SLC35D1: variants seen among roughly 807,000 people sequenced by gnomAD.
SLC35D1 encodes the protein solute carrier family 35 member D1.
In SLC35D1, 31 loss-of-function variants were observed where a neutral mutation model predicts 46.7. The observed-to-expected ratio is 0.66, with a 90% CI of 0.50 to 0.90. The LOEUF (loss-of-function observed/expected upper bound fraction) is 0.90. Among genes scored for constraint, SLC35D1 ranks in the 40% least tolerant of loss-of-function variants. SLC35D1 has a pLI of 0.00. For synonymous variants in SLC35D1, 195 were observed against 164.6 expected (o/e 1.18, Z -1.41); for missense variants, 397 against 426.2 (o/e 0.93, Z 0.60).
chr1:67,022,507 G>A lies in SLC35D1; in HGVS notation c.730-905C>T, dbSNP rs148611600. On this transcript the variant is annotated intron_variant, in intron 8 of 11. Coordinates refer to ENST00000235345, the MANE Select transcript of SLC35D1 (RefSeq NM_015139.3). ...TTAAAACTCAAGGCTCCCTTGTGGG[G>A]CCCTTCCTGATCAAGTACTCCTTCC... is the stretch of plus-strand genomic sequence containing the variant. Among the ~76,000 whole-genome samples, 10 of 152,224 alleles carry A rather than the reference G, an allele frequency of 6.6e-5. No individual in the cohort carries two copies. The East Asian group carries it at 1.7e-3, about 26-fold the overall frequency.
chr1:67,032,628 C>T (rs975127873), intron 8 of SLC35D1, among the ~76,000 whole-genome samples: 2 of 152,070 alleles, frequency 1.3e-5, no homozygotes, highest in African/African-American at 4.8e-5. Context: ...TTGCAGTGAG[C>T]CGAGATCGCA....
At chr1:67,039,995 A>ATT (rs11300562) in intron 8 of SLC35D1, among the ~76,000 whole-genome samples, 25 of 140,188 alleles carry the variant, frequency 1.8e-4, no homozygotes, top group African/African-American at 5.8e-4. Flanking sequence ...TTACATCACA[A>ATT]TTTTTTTTTT....
At chr1:66,986,136 AGT>A in the SLC35D1 span, 1 of 1,145,100 alleles carries the variant, frequency 8.7e-7, no homozygotes, top group Admixed American at 4.6e-5. Flanking sequence ...ATGAAGAGAA[AGT>A]GAAGTTTGAA....
chr1:67,004,341 C>A lies in SLC35D1; in HGVS notation c.1067G>T (p.Ter356LeuextTer7). The change falls in exon 12 of 12, where the codon TGA (stop) becomes TTA (leucine). Residue 356 changes from the stop codon to leucine, a stop_lost. Transcript: ENST00000235345. ...GTATCAGATGAAGCAATCCTCTGGT[C>A]ACACTGCTCCTTTCCCCTTAATGTC... ...KLDIKGKGAV[*>L] is the part of the protein sequence containing the mutation. 1 of 1,613,744 alleles carries A rather than the reference C, an allele frequency of 6.2e-7. No individual in the cohort carries two copies. The highest frequency in any genetic ancestry group is 1.1e-5 in the South Asian group (1 of 91,034).
At chr1:67,013,163 T>TATATATATATATATATATGTATAC in intron 10 of SLC35D1, among the ~76,000 whole-genome samples, 1 of 142,290 alleles carries the variant, frequency 7.0e-6, no homozygotes, top group East Asian at 2.0e-4. Context: ...TGGAGATATA[T>TATATATATATATATATATGTATAC]ATATATCCTG....
chr1:67,050,485 G>C lies in SLC35D1; in HGVS notation c.412C>G (p.Leu138Val). The C allele has an allele frequency of 2.5e-6, 4 of 1,611,832 alleles. No homozygotes were observed. Among genetic ancestry groups the C allele is most frequent in the Non-Finnish European group, 3.4e-6 (4 of 1,179,330 alleles). Reference protein sequence around the residue: ...KKLNLPMFTVLRRFSILFTMF... With the variant: ...KKLNLPMFTVVRRFSILFTMF... ...GTAAACAGGATGGAGAACCTTCTCA[G>C]AACTGTAAACATTGGCAAGCTGGAA... The change falls in exon 5 of 12, where the codon CTG becomes GTG. Residue 138 changes from leucine to valine, a missense_variant. Transcript: ENST00000235345.
intron 7 of SLC35D1, among the ~76,000 whole-genome samples, chr1:67,046,377 T>C (rs960846594): frequency 2.0e-5 from 3 of 152,034 alleles, no homozygotes; most frequent in Non-Finnish European, 4.4e-5. Context: ...CTACACATAA[T>C]AGAAAAGACT....
chr1:67,021,570 G>A lies in SLC35D1; in HGVS notation c.762C>T (p.Leu254=). 3 of 1,614,042 alleles carry A rather than the reference G, an allele frequency of 1.9e-6. No homozygotes were observed. The highest frequency in any genetic ancestry group is 2.2e-5 in the South Asian group (2 of 91,088). ...AVEFEGWADT[L]FLLQFTLSCV... is the part of the protein sequence containing the mutation. ...AGGAGAGGGTGAACTGCAGAAGAAA[G>A]AGGGTGTCAGCCCAGCCTTCAAACT... The change falls in exon 9 of 12, where the codon CTC becomes CTT. Residue 254 remains leucine (L), a synonymous_variant. Transcript: ENST00000235345.
the SLC35D1 span, among the ~76,000 whole-genome samples, chr1:66,983,124 ACT>A: frequency 6.6e-6 from 1 of 152,232 alleles, no homozygotes. Context: ...CTCAAAAGCC[ACT>A]CAACATTACG....
chr1:66,982,254 G>A, the SLC35D1 span, among the ~76,000 whole-genome samples: 2 of 152,178 alleles, frequency 1.3e-5, no homozygotes, highest in African/African-American at 2.4e-5. Context: ...TCAAAACCCT[G>A]CAGTTTCACA....
rs755519268 is a variant in SLC35D1 at position 67,042,267 on chromosome 1, G to A, written c.698C>T (p.Ala233Val). ...NALFMILPTL[A>V]IAYFTGDAQK... ...TGCATCTCCTGTGAAATACGCAATGGCCAGGGTGGGCAGAATCATGAACAG... is the reference window on the plus strand; with the variant it reads ...TGCATCTCCTGTGAAATACGCAATGACCAGGGTGGGCAGAATCATGAACAG... Residue 233 changes from alanine to valine, a missense_variant, in exon 8 of 12, where the codon GCC becomes GTC. Physicochemically the swap from Ala to Val is moderately conservative, Grantham distance 64. Coordinates refer to ENST00000235345, the MANE Select transcript of SLC35D1 (RefSeq NM_015139.3). The A allele has an allele frequency of 1.9e-5, 31 of 1,614,122 alleles. 1 individual carries two copies. The South Asian group carries it at 3.3e-4, about 17-fold the overall frequency.
At chr1:67,014,969 CAT>C (rs1667651685) in intron 10 of SLC35D1, among the ~76,000 whole-genome samples, 1 of 150,944 alleles carries the variant, frequency 6.6e-6, no homozygotes, top group Non-Finnish European at 1.5e-5. Flanking sequence ...TTGCACTGCA[CAT>C]AGTTACAATT....
At chr1:66,986,232 C>T in the SLC35D1 span, 2 of 1,317,766 alleles carry the variant, frequency 1.5e-6, no homozygotes, top group Non-Finnish European at 1.9e-6. Flanking sequence ...ACACAATAAT[C>T]ATTGCTCTGT....
intron 11 of SLC35D1, among the ~76,000 whole-genome samples, chr1:67,008,134 C>G (rs1157275365): frequency 6.6e-6 from 1 of 152,134 alleles, no homozygotes; most frequent in Admixed American, 6.5e-5. Context: ...CAAACAACAG[C>G]ACTACCAACT....
chr1:67,042,796 G>A (rs1216082244), intron 7 of SLC35D1, among the ~76,000 whole-genome samples: 3 of 152,226 alleles, frequency 2.0e-5, no homozygotes, highest in Non-Finnish European at 2.9e-5. Flanking sequence ...GGATACGGTG[G>A]CTCACACCTG....
the SLC35D1 span, among the ~76,000 whole-genome samples, chr1:66,980,130 C>G: frequency 1.2e-4 from 18 of 152,340 alleles, no homozygotes; most frequent in Admixed American, 1.1e-3. Flanking sequence ...TCCAACAATT[C>G]CTCATCATGT....
chr1:66,973,043 A>T, the SLC35D1 span: 1 of 926,908 alleles, frequency 1.1e-6, no homozygotes, highest in Non-Finnish European at 1.8e-6. Flanking sequence ...TGAACAACTC[A>T]AATGGTCATG....
intron 3 of SLC35D1, 104 bp from the exon 4 acceptor site, chr1:67,052,183 A>G: frequency 1.2e-6 from 1 of 819,932 alleles, no homozygotes; most frequent in African/African-American, 1.7e-5. Context: ...AATTTTTTCC[A>G]CTTAAAACGT....
At chr1:66,976,510 A>G in the SLC35D1 span, 3 of 1,387,978 alleles carry the variant, frequency 2.2e-6, no homozygotes, top group African/African-American at 1.4e-5. Flanking sequence ...GGACTAGCCA[A>G]ATTTATTTTC....
Sources: gnomAD v4.1 joint callset for allele counts (sites outside exome capture counted in the v4.1 genomes callset) on GRCh38, gnomAD v4.1.1 for gene constraint, MANE v1.5 for transcripts, NCBI Gene and HGNC (gene_info 2026-07-23, HGNC 2026-07-21) for gene names.